Variants in GAB1 observed in about 807,000 individuals in gnomAD.
The protein encoded by GAB1 is GRB2-associated-binding protein 1.
GAB1 carries 19 observed loss-of-function variants against 66.5 expected under a neutral mutation model. The ratio of observed to expected loss-of-function variants is 0.29; its 90% CI spans 0.20 to 0.42. The LOEUF (loss-of-function observed/expected upper bound fraction) is 0.42, where lower values mean the gene tolerates loss of function less well. Ranked by LOEUF, GAB1 falls within the 10% of genes least tolerant of loss-of-function variation. GAB1 has a pLI of 1.00. For synonymous variants in GAB1, 294 were observed against 301.4 expected (o/e 0.98, Z 0.25); for missense variants, 732 against 858.5 (o/e 0.85, Z 1.84).
intron 1 of GAB1, among the ~76,000 whole-genome samples, chr4:143,376,569 T>G (rs1730426065): frequency 6.6e-6 from 1 of 152,202 alleles, no homozygotes; most frequent in Admixed American, 6.5e-5. Flanking sequence ...ATGACTTGCT[T>G]TCTAAACCTG....
At chr4:143,351,495 C>T (rs1156879509) in intron 1 of GAB1, among the ~76,000 whole-genome samples, 3 of 152,114 alleles carry the variant, frequency 2.0e-5, no homozygotes, top group Non-Finnish European at 2.9e-5. Context: ...CACCTAGGGT[C>T]TGGGGGGTTT....
intron 2 of GAB1, among the ~76,000 whole-genome samples, chr4:143,431,990 A>G (rs899398415): frequency 6.6e-6 from 1 of 152,228 alleles, no homozygotes; most frequent in African/African-American, 2.4e-5. Flanking sequence ...CTGGTGGAGA[A>G]TAGGAAAAGA....
In GAB1 at chr4:143,392,347, A is replaced by G. The variant is rs115311739; in HGVS notation, c.73-23130A>G. On this transcript the variant is annotated intron_variant, in intron 1 of 9. Transcript: ENST00000262994. Reference sequence around the variant, plus strand: ...TCTTTCTGAGAGAGGGGATTTGTCAATTGAAGTATATGATGTGGTGGAGTT... The same window carrying G: ...TCTTTCTGAGAGAGGGGATTTGTCAGTTGAAGTATATGATGTGGTGGAGTT... Among the ~76,000 whole-genome samples the G allele has an allele frequency of 5.4e-3, 821 of 152,340 alleles. 8 individuals are homozygous for G. Among genetic ancestry groups the G allele is most frequent in the African/African-American group, 0.018 (744 of 41,578 alleles).
chr4:143,431,431 G>A (rs994738455), intron 2 of GAB1, among the ~76,000 whole-genome samples: 1 of 152,116 alleles, frequency 6.6e-6, no homozygotes, highest in Admixed American at 6.5e-5. Context: ...AAAACATAAA[G>A]GCCTTTTAAA....
chr4:143,407,839 T>C (rs1732137766), intron 1 of GAB1, among the ~76,000 whole-genome samples: 2 of 152,206 alleles, frequency 1.3e-5, no homozygotes, highest in Admixed American at 6.5e-5. Flanking sequence ...AATTTGTTTT[T>C]CTTTATTTTA....
intron 6 of GAB1, among the ~76,000 whole-genome samples, chr4:143,446,266 G>A (rs1734524401): frequency 6.6e-6 from 1 of 152,184 alleles, no homozygotes; most frequent in East Asian, 1.9e-4. Flanking sequence ...GTGTGCATGT[G>A]TCTTTATAGC....
Position 143,470,077 on chromosome 4 carries a change from A to T in GAB1, c.*888A>T, listed in dbSNP as rs1239219097. On this transcript the variant is annotated 3_prime_UTR_variant, in exon 10 of 10. Transcript: ENST00000262994. ...AATGAGCTTTGGTTGTGTTCTTGTT[A>T]GTCCTAATATTGGTTTTCAGTTTGG... The T allele has an allele frequency of 6.6e-6, 1 of 152,310 alleles. No homozygotes were observed. Among genetic ancestry groups the T allele is most frequent in the African/African-American group, 2.4e-5 (1 of 41,452 alleles). 9.4% of individuals were successfully genotyped at this position (152,310 alleles called of 1,614,324 possible).
At chr4:143,433,131 G>A (rs1322545063) in intron 2 of GAB1, among the ~76,000 whole-genome samples, 1 of 152,124 alleles carries the variant, frequency 6.6e-6, no homozygotes, top group Non-Finnish European at 1.5e-5. Flanking sequence ...TGGAAGGTTG[G>A]GTTGGCTTAG....
Position 143,437,982 on chromosome 4 carries a change from T to C in GAB1, c.594-17T>C, listed in dbSNP as rs778998523. 1.3e-5 allele frequency: 20 copies of C among 1,597,056 alleles called. No individual in the cohort carries two copies. In the Admixed American group the frequency reaches 3.3e-4, roughly 26 times the overall value. On this transcript the variant is annotated splice_polypyrimidine_tract_variant and intron_variant, in intron 3 of 9. Coordinates refer to ENST00000262994, the MANE Select transcript of GAB1 (RefSeq NM_002039.4). ...GTCTCCACCTTGTTTATTCTGTCAT[T>C]AACAATTTTTATTTAGAACGCATGC...
chr4:143,395,525 C>G (rs373081216), intron 1 of GAB1: 1 of 196,306 alleles, frequency 5.1e-6, no homozygotes, highest in South Asian at 8.1e-5. Context: ...ACCTTGAACA[C>G]AAAATCCATG....
At chr4:143,437,862 C>G in intron 3 of GAB1, 137 bp from the exon 4 acceptor site, 1 of 847,066 alleles carries the variant, frequency 1.2e-6, no homozygotes, top group Non-Finnish European at 1.8e-6. Context: ...AACATTTGTG[C>G]TTTAAATCCT....
intron 6 of GAB1, among the ~76,000 whole-genome samples, chr4:143,458,186 C>G (rs1037420440): frequency 6.6e-6 from 1 of 152,054 alleles, no homozygotes; most frequent in Non-Finnish European, 1.5e-5. Flanking sequence ...CTGCTATTAG[C>G]CTTTGGGTGT....
At chr4:143,369,960 AT>A (rs1730047486) in intron 1 of GAB1, among the ~76,000 whole-genome samples, 1 of 152,246 alleles carries the variant, frequency 6.6e-6, no homozygotes, top group South Asian at 2.1e-4. Flanking sequence ...TAAAGGAGAT[AT>A]GTCTAACAAT....
intron 6 of GAB1, among the ~76,000 whole-genome samples, chr4:143,452,645 T>G (rs1734985029): frequency 6.6e-6 from 1 of 152,210 alleles, no homozygotes; most frequent in Admixed American, 6.5e-5. Flanking sequence ...AATGTAAAAT[T>G]AGATCATCTC....
At chr4:143,424,363 C>A (rs1733212076) in intron 2 of GAB1, among the ~76,000 whole-genome samples, 1 of 152,088 alleles carries the variant, frequency 6.6e-6, no homozygotes, top group African/African-American at 2.4e-5. Context: ...CTCTTTTTTC[C>A]TCAATACTGT....
intron 1 of GAB1, among the ~76,000 whole-genome samples, chr4:143,373,507 A>G (rs942126985): frequency 3.9e-5 from 6 of 152,094 alleles, no homozygotes; most frequent in African/African-American, 1.4e-4. Context: ...TCATGATGGC[A>G]TTTCTATCTG....
chr4:143,349,607 C>T, intron 1 of GAB1: 5 of 1,476,942 alleles, frequency 3.4e-6, no homozygotes, highest in Non-Finnish European at 3.7e-6. Context: ...CGGCCTGTCA[C>T]CTTGCAAGGG....
Position 143,349,882 on chromosome 4 carries a change from T to G in GAB1, c.72+12622T>G. 5.7e-6 allele frequency: 9 copies of G among 1,580,274 alleles called. 1 individual carries two copies. The South Asian group carries it at 1.0e-4, about 18-fold the overall frequency. On this transcript the variant is annotated intron_variant, in intron 1 of 9. Transcript: ENST00000262994. Reference sequence around the variant, plus strand: ...GGCCCCCAGGAAAAAGTCAATGATCTCTGATTCCTTAATGGGCAGAGAGAA... The same window carrying G: ...GGCCCCCAGGAAAAAGTCAATGATCGCTGATTCCTTAATGGGCAGAGAGAA...
chr4:143,381,214 T>C (rs995600159), intron 1 of GAB1, among the ~76,000 whole-genome samples: 2 of 152,156 alleles, frequency 1.3e-5, no homozygotes, highest in Admixed American at 6.5e-5. Flanking sequence ...ATCTGTAATA[T>C]AGGAATAATG....
Sources: gnomAD v4.1 joint callset for allele counts (sites outside exome capture counted in the v4.1 genomes callset) on GRCh38, gnomAD v4.1.1 for gene constraint, MANE v1.5 for transcripts, NCBI Gene and HGNC (gene_info 2026-07-23, HGNC 2026-07-21) for gene names.